C5orf34: variants seen among roughly 807,000 people sequenced by gnomAD.
C5orf34 encodes chromosome 5 open reading frame 34, also known as uncharacterized protein C5orf34.
A neutral mutation model predicts 78.4 loss-of-function variants in C5orf34; 73 were observed. The observed-to-expected ratio is 0.93, with a 90% CI of 0.77 to 1.13. C5orf34 has a LOEUF of 1.13. Among genes scored for constraint, C5orf34 ranks in the 50% most tolerant of loss-of-function variants. C5orf34 has a pLI of 0.00. For synonymous variants in C5orf34, 251 were observed against 246.6 expected (o/e 1.02, Z -0.17); for missense variants, 730 against 732.7 (o/e 1.00, Z 0.04).
Position 43,494,596 on chromosome 5 carries a change from T to C in C5orf34, c.1158A>G (p.Glu386=). 1 of 1,588,418 alleles carries C rather than the reference T, an allele frequency of 6.3e-7. No individual in the cohort carries two copies. Among genetic ancestry groups the C allele is most frequent in the South Asian group, 1.2e-5 (1 of 86,690 alleles). ...YSIQEGSGKR[E]EKTYSVNNLP... is the part of the protein sequence containing the mutation. Reference sequence around the variant, plus strand: ...GGTTATTTACTGAGTAAGTTTTCTCTTCTCTCTGAAAATTAGTTAAAATGA... The same window carrying C: ...GGTTATTTACTGAGTAAGTTTTCTCCTCTCTCTGAAAATTAGTTAAAATGA... The change falls in exon 7 of 13, where the codon GAA becomes GAG. Residue 386 remains glutamate (E), a synonymous_variant. Transcript: ENST00000306862.
chr5:43,496,206 G>T, intron 6 of C5orf34: 1 of 1,559,916 alleles, frequency 6.4e-7, no homozygotes, highest in Non-Finnish European at 8.7e-7. Context: ...CATAGTACTT[G>T]CTGGTCTCAA....
At chr5:43,505,639 T>C (rs1477161709) in intron 4 of C5orf34, 109 bp downstream of exon 4, 2 of 1,196,514 alleles carry the variant, frequency 1.7e-6, no homozygotes, top group Middle Eastern at 2.7e-4. Context: ...AGCAAAATTT[T>C]GGATGAGATA....
chr5:43,509,131 A>G lies in C5orf34; in HGVS notation c.195+14T>C, dbSNP rs374829987. On this transcript the variant is annotated intron_variant, in intron 2 of 12. Transcript: ENST00000306862. ...AAAAAACAAAAAAGTTGTTTACGTG[A>G]TATCTTTACTTACTCTGTAAGTGCT... 7 of 1,602,198 alleles carry G rather than the reference A, an allele frequency of 4.4e-6. No homozygotes were observed. The highest frequency in any genetic ancestry group is 4.5e-5 in the East Asian group (2 of 44,692).
chr5:43,496,945 AT>A (rs778700598), intron 6 of C5orf34, among the ~76,000 whole-genome samples: 2 of 151,992 alleles, frequency 1.3e-5, no homozygotes, highest in Non-Finnish European at 2.9e-5. Context: ...AACCAAACTA[AT>A]TTTCCTACAC....
intron 6 of C5orf34, chr5:43,495,510 C>CA: frequency 7.5e-6 from 12 of 1,608,014 alleles, no homozygotes; most frequent in Non-Finnish European, 9.4e-6. Context: ...ACATCCTTGA[C>CA]AGACACATTC....
intron 6 of C5orf34, among the ~76,000 whole-genome samples, chr5:43,501,217 T>G (rs1319233297): frequency 6.6e-6 from 1 of 152,252 alleles, no homozygotes; most frequent in Non-Finnish European, 1.5e-5. Flanking sequence ...AATATGACTA[T>G]GCATACCTAC....
chr5:43,492,391 A>G, intron 9 of C5orf34, 82 bp from the exon 10 acceptor site: 1 of 892,856 alleles, frequency 1.1e-6, no homozygotes, highest in Non-Finnish European at 1.8e-6. Flanking sequence ...TCATTAACTT[A>G]AAGAAATAAG....
At chr5:43,513,293 A>G (rs1029690922) in intron 1 of C5orf34, among the ~76,000 whole-genome samples, 38 of 152,034 alleles carry the variant, frequency 2.5e-4, no homozygotes, top group African/African-American at 7.5e-4. Flanking sequence ...GCTGCCTGCT[A>G]GACCGCTCTC....
intron 10 of C5orf34, among the ~76,000 whole-genome samples, chr5:43,491,798 G>C (rs1024308912): frequency 6.6e-6 from 1 of 152,102 alleles, no homozygotes; most frequent in Non-Finnish European, 1.5e-5. Flanking sequence ...GAGGTCGGGA[G>C]TTCAAGACAA....
intron 1 of C5orf34, among the ~76,000 whole-genome samples, chr5:43,510,250 AC>A (rs1427541402): frequency 6.6e-6 from 1 of 152,144 alleles, no homozygotes; most frequent in Non-Finnish European, 1.5e-5. Context: ...TCCTGTCTCT[AC>A]CCTAGCATTA....
At chr5:43,493,507 TA>T in intron 8 of C5orf34, 35 bp downstream of exon 8, 1 of 1,248,858 alleles carries the variant, frequency 8.0e-7, no homozygotes, top group Non-Finnish European at 1.2e-6. Flanking sequence ...TAAAACAATT[TA>T]AAAATATCTT....
At chr5:43,500,825 A>G (rs1745726486) in intron 6 of C5orf34, among the ~76,000 whole-genome samples, 1 of 152,196 alleles carries the variant, frequency 6.6e-6, no homozygotes, top group African/African-American at 2.4e-5. Context: ...TTGTTCTTCT[A>G]TATTTTCTTC....
At chr5:43,508,723 A>C in intron 2 of C5orf34, 57 bp from the exon 3 acceptor site, 1 of 1,038,672 alleles carries the variant, frequency 9.6e-7, no homozygotes, top group South Asian at 1.3e-5. Context: ...AAATCAATTA[A>C]AAATGACAGT....
chr5:43,498,881 T>C (rs985458493), intron 6 of C5orf34, among the ~76,000 whole-genome samples: 3 of 152,318 alleles, frequency 2.0e-5, no homozygotes, highest in African/African-American at 7.2e-5. Context: ...TCTCTGGACA[T>C]TTCCCCCAGC....
chr5:43,488,477 CATAT>C (rs1235728149), intron 11 of C5orf34: 2 of 152,380 alleles, frequency 1.3e-5, no homozygotes, highest in African/African-American at 4.8e-5. Context: ...TGTACTTGTG[CATAT>C]ATTAAGACCT....
At chr5:43,501,275 A>G (rs929281799) in intron 6 of C5orf34, among the ~76,000 whole-genome samples, 16 of 152,156 alleles carry the variant, frequency 1.1e-4, no homozygotes, top group Non-Finnish European at 1.5e-4. Flanking sequence ...ATAAACACAC[A>G]TACACACATA....
At chr5:43,501,884 T>C (rs769081091) in intron 6 of C5orf34, among the ~76,000 whole-genome samples, 2 of 152,214 alleles carry the variant, frequency 1.3e-5, no homozygotes, top group Non-Finnish European at 2.9e-5. Context: ...ATTGACATTA[T>C]TAAGACTATG....
intron 1 of C5orf34, among the ~76,000 whole-genome samples, chr5:43,512,634 C>G (rs181059782): frequency 2.4e-4 from 37 of 152,238 alleles, no homozygotes; most frequent in Non-Finnish European, 5.3e-4. Flanking sequence ...TCACTTCTAC[C>G]TGTTTTTAGT....
chr5:43,504,231 C>T (rs775468525), intron 4 of C5orf34, among the ~76,000 whole-genome samples: 5 of 150,716 alleles, frequency 3.3e-5, no homozygotes, highest in East Asian at 3.9e-4. Context: ...CGCTTGAACC[C>T]GGGAGGCGGA....
Sources: allele counts gnomAD v4.1 joint callset (sites outside exome capture counted in the v4.1 genomes callset), GRCh38; gene constraint gnomAD v4.1.1; transcripts MANE v1.5; gene names NCBI Gene and HGNC (gene_info 2026-07-23, HGNC 2026-07-21).